Variants in SLC8A1 observed in about 807,000 individuals in gnomAD.
The protein encoded by SLC8A1 is solute carrier family 8 member A1, also known as sodium/calcium exchanger 1.
In SLC8A1, 18 loss-of-function variants were observed where a neutral mutation model predicts 68.3. That is an observed-to-expected ratio of 0.26 (90% CI 0.18 to 0.39). SLC8A1 has a LOEUF of 0.39. Among genes scored for constraint, SLC8A1 ranks in the 10% least tolerant of loss-of-function variants. The pLI is 1.00. For synonymous variants in SLC8A1, 475 were observed against 415.5 expected, an observed-to-expected ratio of 1.14 and a Z score of -1.74; for missense variants, 985 against 1,156.7, an observed-to-expected ratio of 0.85 and a Z score of 2.15.
rs150445554 is a variant in SLC8A1, at chr2:40,334,191, G to A, written c.1808+94282C>T. 1.9e-3 allele frequency among the ~76,000 whole-genome samples: 284 copies of A among 152,284 alleles called. 1 individual carries two copies. The highest frequency in any genetic ancestry group is 6.4e-3 in the African/African-American group (265 of 41,566). On this transcript the variant is annotated intron_variant, in intron 2 of 7. Coordinates refer to ENST00000406785, the Ensembl canonical transcript of SLC8A1. ...GAGACTATCCACCTGCCTTGTTTCT[G>A]AAGTAAATAAAATGAGGTTTAGAGA...
At chr2:40,460,422 G>A (rs1208137985) in intron 1 of SLC8A1, among the ~76,000 whole-genome samples, 1 of 151,948 alleles carries the variant, frequency 6.6e-6, no homozygotes, top group Non-Finnish European at 1.5e-5. Flanking sequence ...GCAGATTACT[G>A]GTTTAATTTT....
intron 2 of SLC8A1, among the ~76,000 whole-genome samples, chr2:40,260,711 T>A (rs1431541856): frequency 6.6e-6 from 1 of 151,438 alleles, no homozygotes; most frequent in African/African-American, 2.4e-5. Context: ...TATTGACCTT[T>A]CCTTTCAAAG....
chr2:40,165,088 C>T, intron 4 of SLC8A1, 104 bp from the exon 8 acceptor site: 1 of 1,423,072 alleles, frequency 7.0e-7, no homozygotes, highest in Non-Finnish European at 9.7e-7. Flanking sequence ...CCCTAATGAC[C>T]TACTAAAGCC....
intron 1 of SLC8A1, among the ~76,000 whole-genome samples, chr2:40,435,514 G>A (rs185241847): frequency 7.9e-5 from 12 of 152,104 alleles, no homozygotes; most frequent in East Asian, 1.9e-4. Context: ...GACAGGTGCC[G>A]AAGGGGATGG....
chr2:40,428,702 C>T, exon 2 of SLC8A1: 1 of 1,613,758 alleles, frequency 6.2e-7, no homozygotes, highest in South Asian at 1.1e-5. Context: ...GTTACAGTGG[C>T]AGTGGAGGGA....
chr2:40,396,777 A>AAAAAAAAAAAAAG (rs1320205950), intron 2 of SLC8A1, among the ~76,000 whole-genome samples: 1 of 146,998 alleles, frequency 6.8e-6, no homozygotes, highest in African/African-American at 2.5e-5. Flanking sequence ...AAAAAAAAAA[A>AAAAAAAAAAAAAG]CAAGAGAAGT....
intron 2 of SLC8A1, among the ~76,000 whole-genome samples, chr2:40,393,218 CG>C (rs35351558): frequency 0.11 from 16,859 of 151,834 alleles, 1,188 homozygotes; most frequent in East Asian, 0.19. Context: ...CTGAAAATTC[CG>C]AAAGTACAAT....
At chr2:40,393,713 C>A (rs560615091) in intron 2 of SLC8A1, among the ~76,000 whole-genome samples, 2 of 152,088 alleles carry the variant, frequency 1.3e-5, no homozygotes, top group Middle Eastern at 3.4e-3. Context: ...ATTTGATTTG[C>A]CAAAATTCAG....
At chr2:40,376,433 C>T (rs1217304342) in intron 2 of SLC8A1, among the ~76,000 whole-genome samples, 3 of 152,088 alleles carry the variant, frequency 2.0e-5, no homozygotes, top group African/African-American at 7.2e-5. Context: ...TTCTGCTGAA[C>T]CTTCCACATT....
intron 2 of SLC8A1, among the ~76,000 whole-genome samples, chr2:40,396,605 A>G (rs1413576784): frequency 2.0e-5 from 3 of 152,094 alleles, no homozygotes; most frequent in Non-Finnish European, 4.4e-5. Context: ...GCAATGAAAA[A>G]AATGTGTTGA....
chr2:40,263,696 T>C (rs1192116634), intron 2 of SLC8A1, among the ~76,000 whole-genome samples: 2 of 152,048 alleles, frequency 1.3e-5, no homozygotes, highest in Non-Finnish European at 2.9e-5. Flanking sequence ...CCTGACACCT[T>C]ATACAAAAAT....
In SLC8A1 at chr2:40,347,510, G is replaced by T. The variant is rs371732619; in HGVS notation, c.1808+80963C>A. Among the ~76,000 whole-genome samples the T allele has an allele frequency of 8.7e-4, 132 of 152,278 alleles. 2 individuals carry two copies. The highest frequency in any genetic ancestry group is 3.1e-3 in the African/African-American group (130 of 41,552). On this transcript the variant is annotated intron_variant, in intron 2 of 7. Transcript: ENST00000406785. ...CTGTGTATATGACATACAAGTTACTGAGTTATCCTCTCTGACTCTCAGTTC... is the reference window on the plus strand; with the variant it reads ...CTGTGTATATGACATACAAGTTACTTAGTTATCCTCTCTGACTCTCAGTTC...
chr2:40,242,321 G>A (rs1010700244), intron 2 of SLC8A1, among the ~76,000 whole-genome samples: 1 of 152,124 alleles, frequency 6.6e-6, no homozygotes, highest in African/African-American at 2.4e-5. Flanking sequence ...AAAACATAAA[G>A]ATAAAAGGTC....
intron 2 of SLC8A1, among the ~76,000 whole-genome samples, chr2:40,366,315 C>T (rs1676182469): frequency 1.3e-5 from 2 of 151,946 alleles, no homozygotes; most frequent in African/African-American, 4.8e-5. Context: ...ATGGTAGTCA[C>T]AAAATAAGTG....
intron 2 of SLC8A1, among the ~76,000 whole-genome samples, chr2:40,223,090 TCAC>T (rs2058547971): frequency 6.6e-6 from 1 of 152,168 alleles, no homozygotes; most frequent in Non-Finnish European, 1.5e-5. Flanking sequence ...GCAGCAGTAT[TCAC>T]AACAGCAGAG....
chr2:40,507,277 C>T (rs532526236), intron 1 of SLC8A1, among the ~76,000 whole-genome samples: 22 of 151,904 alleles, frequency 1.4e-4, no homozygotes, highest in Middle Eastern at 3.4e-3. Flanking sequence ...TTTCAACATA[C>T]GTTGATCGAA....
intron 2 of SLC8A1, among the ~76,000 whole-genome samples, chr2:40,305,864 G>C (rs371590243): frequency 6.6e-6 from 1 of 152,112 alleles, no homozygotes; most frequent in Non-Finnish European, 1.5e-5. Flanking sequence ...GAAACAGACC[G>C]TTTGTACTGC....
chr2:40,266,970 C>A (rs993509691), intron 2 of SLC8A1, among the ~76,000 whole-genome samples: 1 of 152,084 alleles, frequency 6.6e-6, no homozygotes, highest in Non-Finnish European at 1.5e-5. Flanking sequence ...ACTGGATGTA[C>A]AGGTAAATGA....
At chr2:40,374,674 T>A (rs1679224939) in intron 2 of SLC8A1, among the ~76,000 whole-genome samples, 1 of 151,834 alleles carries the variant, frequency 6.6e-6, no homozygotes, top group African/African-American at 2.4e-5. Flanking sequence ...ATAAGAACAA[T>A]AACTTTCCCA....
Sources: gnomAD v4.1 joint callset for allele counts (sites outside exome capture counted in the v4.1 genomes callset) on GRCh38, gnomAD v4.1.1 for gene constraint, MANE v1.5 for transcripts, NCBI Gene and HGNC (gene_info 2026-07-23, HGNC 2026-07-21) for gene names.